Variants in MICAL2 observed in about 807,000 individuals in gnomAD.
The protein encoded by MICAL2 is microtubule associated monooxygenase, calponin and LIM domain containing 2.
Under a neutral mutation model 127.3 loss-of-function variants are expected in MICAL2, and 77 were observed. That is an observed-to-expected ratio of 0.60 (90% CI 0.50 to 0.73). The LOEUF (loss-of-function observed/expected upper bound fraction) is 0.73. MICAL2 is among the 30% of genes least tolerant of loss of function. The pLI is 0.00. For synonymous variants in MICAL2, 570 were observed against 551.1 expected (o/e 1.03, Z -0.48); for missense variants, 1,351 against 1,434.4 (o/e 0.94, Z 0.94).
intron 2 of MICAL2, among the ~76,000 whole-genome samples, chr11:12,148,959 G>A (rs1348551723): frequency 6.6e-6 from 1 of 152,156 alleles, no homozygotes; most frequent in Non-Finnish European, 1.5e-5. Context: ...AGAAACTGAG[G>A]TTCAAAGAGG....
intron 32 of MICAL2, among the ~76,000 whole-genome samples, chr11:12,335,300 G>C (rs1217456318): frequency 6.7e-6 from 1 of 150,188 alleles, no homozygotes; most frequent in Non-Finnish European, 1.5e-5. Flanking sequence ...TGATGGGATT[G>C]TTTGTTTTTT....
chr11:12,312,058 GT>G (rs1320053219), intron 29 of MICAL2, among the ~76,000 whole-genome samples: 7 of 151,126 alleles, frequency 4.6e-5, no homozygotes, highest in African/African-American at 1.5e-4. Context: ...TTATATAATA[GT>G]TCATATAATA....
rs1859566900 is a variant in MICAL2, at chr11:12,239,490, A to C, written c.2119A>C (p.Lys707Gln). The part of the protein sequence containing the change: ...LGSNQECGSS[K>Q]EGGNQNKVKS... ...CTCCAATCAAGAGTGTGGGAGCAGTAAGGAAGGTGGAAATCAGAACAAAGT... is the reference window on the plus strand; with the variant it reads ...CTCCAATCAAGAGTGTGGGAGCAGTCAGGAAGGTGGAAATCAGAACAAAGT... The change falls in exon 17 of 28, where the codon AAG becomes CAG. Residue 707 changes from lysine to glutamine, a missense_variant. By Grantham distance (53) the Lys-to-Gln change is moderately conservative. This residue lies in a region of MICAL2 where 752 missense variants were observed against 719.4 expected (regional missense o/e 1.05). Coordinates refer to ENST00000683283, the MANE Select transcript of MICAL2 (RefSeq NM_001282663.2). The C allele has an allele frequency of 1.2e-6, 2 of 1,614,110 alleles. No homozygotes were observed. Among genetic ancestry groups the C allele is most frequent in the Admixed American group, 1.7e-5 (1 of 60,006 alleles).
intron 22 of MICAL2, chr11:12,253,231 A>G (rs1227096335): frequency 6.6e-6 from 1 of 152,034 alleles, no homozygotes; most frequent in Non-Finnish European, 1.5e-5. Flanking sequence ...ATTTGTAGGT[A>G]CCCTCAGGAG....
chr11:12,202,103 C>T (rs2134109872), intron 3 of MICAL2, among the ~76,000 whole-genome samples: 1 of 144,534 alleles, frequency 6.9e-6, no homozygotes, highest in African/African-American at 2.6e-5. Flanking sequence ...GCCTGGGCAA[C>T]AAGAGTGAAA....
intron 32 of MICAL2, among the ~76,000 whole-genome samples, chr11:12,349,549 G>A (rs1015189910): frequency 2.1e-4 from 32 of 152,316 alleles, no homozygotes; most frequent in African/African-American, 7.7e-4. Flanking sequence ...CGAGTAGGCA[G>A]GGGGAGGGTC....
At chr11:12,199,821 C>T (rs568534258) in intron 3 of MICAL2, among the ~76,000 whole-genome samples, 70 of 152,294 alleles carry the variant, frequency 4.6e-4, no homozygotes, top group South Asian at 2.9e-3. Context: ...GCCTGAACAC[C>T]GCCGAGCTTA....
At chr11:12,195,705 C>CTTT (rs35521222) in intron 3 of MICAL2, among the ~76,000 whole-genome samples, 8 of 144,552 alleles carry the variant, frequency 5.5e-5, no homozygotes, top group Non-Finnish European at 7.5e-5. Context: ...CAATAGATTT[C>CTTT]TTTTTTTTTT....
At chr11:12,321,347 C>T (rs2134841867) in intron 30 of MICAL2, among the ~76,000 whole-genome samples, 1 of 152,228 alleles carries the variant, frequency 6.6e-6, no homozygotes, top group African/African-American at 2.4e-5. Flanking sequence ...CTCTTCTATC[C>T]CATGCAGGTG....
At chr11:12,291,329 C>T (rs867140265), downstream of MICAL2, among the ~76,000 whole-genome samples, 4 of 152,080 alleles carry the variant, frequency 2.6e-5, no homozygotes, top group Middle Eastern at 3.4e-3. Flanking sequence ...AAGGGGAGAG[C>T]GGGAGAAGGA....
chr11:12,153,526 C>T (rs984758046), intron 2 of MICAL2, among the ~76,000 whole-genome samples: 4 of 152,172 alleles, frequency 2.6e-5, no homozygotes, highest in Non-Finnish European at 4.4e-5. Context: ...CAACCTCCAC[C>T]TCCCAGGTTC....
chr11:12,226,049 C>T (rs1293823846), intron 13 of MICAL2, 122 bp from the exon 14 acceptor site: 6 of 914,794 alleles, frequency 6.6e-6, no homozygotes, highest in Non-Finnish European at 1.0e-5. Context: ...TATTCCTCCC[C>T]TGTAACCTGC....
At chr11:12,303,526 T>C (rs1864073418) in intron 29 of MICAL2, 1 of 152,248 alleles carries the variant, frequency 6.6e-6, no homozygotes, top group Non-Finnish European at 1.5e-5. Flanking sequence ...AACAGAGACA[T>C]ACTATATGTG....
chr11:12,140,266 G>A lies in MICAL2; in HGVS notation c.-78+1806G>A, dbSNP rs373328720. On this transcript the variant is annotated intron_variant, in intron 2 of 27. Transcript: ENST00000683283. Reference sequence around the variant, plus strand: ...TTTATAAAGGTCATTTCATCTTCATGATCAAGCAGGTGGACTTCTCCCATT... The same window carrying A: ...TTTATAAAGGTCATTTCATCTTCATAATCAAGCAGGTGGACTTCTCCCATT... Among the ~76,000 whole-genome samples the A allele has an allele frequency of 3.7e-4, 56 of 152,280 alleles. No homozygotes were observed. The East Asian group carries it at 9.3e-3, about 25-fold the overall frequency.
intron 10 of MICAL2, 95 bp from the exon 11 acceptor site, chr11:12,222,522 C>T: frequency 2.0e-6 from 3 of 1,521,712 alleles, no homozygotes; most frequent in Non-Finnish European, 1.8e-6. Context: ...TCCAGGAAGC[C>T]CTTGAGCCAG....
intron 29 of MICAL2, chr11:12,303,897 G>A (rs1864077937): frequency 6.6e-6 from 1 of 152,106 alleles, no homozygotes; most frequent in Non-Finnish European, 1.5e-5. Flanking sequence ...ATTGGCCAGA[G>A]ATGTTGACAC....
chr11:12,171,925 TA>T lies in MICAL2; in HGVS notation c.264+9512del, dbSNP rs374280942. On this transcript the variant is annotated intron_variant, in intron 3 of 27. Transcript: ENST00000683283. ...ACACTATTTCAACATGTAGTAAATATAAAAAATGATTACTGAGATATTTTGC... is the reference window on the plus strand; with the variant it reads ...ACACTATTTCAACATGTAGTAAATATAAAAATGATTACTGAGATATTTTGC... Among the ~76,000 whole-genome samples, 759 of 152,316 alleles carry T rather than the reference TA, an allele frequency of 5.0e-3. 10 individuals carry two copies. Among genetic ancestry groups the T allele is most frequent in the African/African-American group, 0.017 (715 of 41,568 alleles).
chr11:12,338,310 G>C (rs1024709829), intron 32 of MICAL2, among the ~76,000 whole-genome samples: 2 of 152,138 alleles, frequency 1.3e-5, no homozygotes, highest in Non-Finnish European at 2.9e-5. Context: ...TTTCTTGGTA[G>C]ATCTTCCTCC....
At chr11:12,324,004 G>A (rs1450421105) in exon 31 of MICAL2, 3 of 1,611,060 alleles carry the variant, frequency 1.9e-6, no homozygotes, top group Non-Finnish European at 2.5e-6. Context: ...GAAGAAGAAA[G>A]AAGCTAGAAA....
Sources: allele counts gnomAD v4.1 joint callset (sites outside exome capture counted in the v4.1 genomes callset), GRCh38; gene constraint gnomAD v4.1.1; regional missense constraint gnomAD v4.1.1; transcripts MANE v1.5; gene names NCBI Gene and HGNC (gene_info 2026-07-23, HGNC 2026-07-21).